CNKSR2: variants seen among roughly 807,000 people sequenced by gnomAD.
CNKSR2 encodes the protein connector enhancer of kinase suppressor of Ras 2, also known as CNK homolog protein 2.
CNKSR2 carries 14 observed loss-of-function variants against 84.4 expected under a neutral mutation model. The ratio of observed to expected loss-of-function variants is 0.17; its 90% confidence interval spans 0.11 to 0.26. The LOEUF is 0.26. Ranked by LOEUF, CNKSR2 falls within the 10% of genes least tolerant of loss-of-function variation. The probability of loss-of-function intolerance (pLI) is 1.00; values close to 1 mark genes in which losing one functional copy is unlikely to be tolerated. For missense variants in CNKSR2, 485 were observed against 771.2 expected (o/e 0.63, Z 4.40); for synonymous variants, 275 against 277.9 (o/e 0.99, Z 0.10).
intron 3 of CNKSR2, 95 bp downstream of exon 3, chrX:21,432,909 G>T: frequency 4.7e-6 from 4 of 848,234 alleles, no homozygotes; most frequent in Middle Eastern, 3.0e-4. Flanking sequence ...GATTGGACAG[G>T]CAGAGGAGTA....
chrX:21,649,072 T>G, intron 21 of CNKSR2, 45 bp downstream of exon 21: 1 of 970,719 alleles, frequency 1.0e-6, no homozygotes, highest in Non-Finnish European at 1.4e-6. Flanking sequence ...AGAGATTCAT[T>G]CTTAAAGTGG....
intron 1 of CNKSR2, among the ~76,000 whole-genome samples, chrX:21,394,859 T>G (rs1406779437): frequency 9.0e-6 from 1 of 111,719 alleles, no homozygotes. Context: ...AGAGCTCCAT[T>G]TAAGTGACAG....
chrX:21,644,908 A>G (rs949145666), intron 20 of CNKSR2: 8 of 112,225 alleles, frequency 7.1e-5, no homozygotes, highest in African/African-American at 2.6e-4. Context: ...AAAAGTTTGG[A>G]AACCACTGAG....
rs145918746 is a variant in CNKSR2 at position 21,598,252 on chromosome X, A to G, written c.1976+2857A>G. ...GTCTGTGTAAAATCTGTGGGGATAA[A>G]ATAAAACATCATAGTACTCAGGTAT... On this transcript the variant is annotated intron_variant, in intron 17 of 21. Transcript: ENST00000379510. Among the ~76,000 whole-genome samples the G allele has an allele frequency of 2.6e-4, 29 of 111,408 alleles. No homozygotes were observed. The East Asian group carries it at 8.1e-3, about 31-fold the overall frequency.
intron 17 of CNKSR2, among the ~76,000 whole-genome samples, chrX:21,598,463 T>C (rs772358476): frequency 5.4e-5 from 6 of 111,854 alleles, no homozygotes; most frequent in African/African-American, 1.9e-4. Context: ...AATATCTCCT[T>C]TGAATGTTTG....
At chrX:21,577,229 G>T (rs929568582) in intron 13 of CNKSR2, among the ~76,000 whole-genome samples, 3 of 111,213 alleles carry the variant, frequency 2.7e-5, no homozygotes, top group African/African-American at 9.8e-5. Flanking sequence ...ATAAACTGAA[G>T]CCAGCCCTTT....
At chrX:21,645,149 A>G (rs763363504) in intron 20 of CNKSR2, 5 of 111,997 alleles carry the variant, frequency 4.5e-5, no homozygotes, top group Admixed American at 9.5e-5. Flanking sequence ...ATAGTGGAGC[A>G]GAATATGAAA....
intron 9 of CNKSR2, among the ~76,000 whole-genome samples, chrX:21,522,291 A>G (rs1380871158): frequency 9.0e-6 from 1 of 111,027 alleles, no homozygotes; most frequent in Non-Finnish European, 1.9e-5. Context: ...TTTATACTTG[A>G]TGTAATTATT....
chrX:21,413,767 G>A (rs957361939), intron 1 of CNKSR2, among the ~76,000 whole-genome samples: 6 of 110,540 alleles, frequency 5.4e-5, no homozygotes, highest in Non-Finnish European at 9.5e-5. Context: ...CAACCATGTC[G>A]TTGCAAATGA....
chrX:21,412,275 T>G (rs767250836), intron 1 of CNKSR2, among the ~76,000 whole-genome samples: 1 of 112,129 alleles, frequency 8.9e-6, no homozygotes, highest in East Asian at 2.8e-4. Flanking sequence ...TGGAAGACTG[T>G]CTCCTCTTGC....
chrX:21,529,650 C>G (rs1282622059), intron 10 of CNKSR2, among the ~76,000 whole-genome samples: 1 of 110,370 alleles, frequency 9.1e-6, no homozygotes, highest in African/African-American at 3.3e-5. Flanking sequence ...CTGAGTTCTC[C>G]AGGGACTCAT....
At chrX:21,602,804 G>A (rs765125846) in intron 18 of CNKSR2, among the ~76,000 whole-genome samples, 1 of 111,928 alleles carries the variant, frequency 8.9e-6, no homozygotes, top group South Asian at 3.7e-4. Flanking sequence ...TCTTTAAAAG[G>A]AATAAAACAG....
chrX:21,475,952 A>G (rs2091256865), intron 5 of CNKSR2, among the ~76,000 whole-genome samples: 1 of 111,387 alleles, frequency 9.0e-6, no homozygotes, highest in African/African-American at 3.3e-5. Flanking sequence ...TCAGTGCTCA[A>G]AAAGTTTCTG....
At chrX:21,593,826 C>T (rs1057292367) in intron 15 of CNKSR2, 2 of 111,321 alleles carry the variant, frequency 1.8e-5, no homozygotes, top group African/African-American at 6.5e-5. Context: ...TGTTATAAGA[C>T]GCTGATGAGC....
chrX:21,476,732 A>T (rs1473370246), intron 5 of CNKSR2, among the ~76,000 whole-genome samples: 1 of 111,892 alleles, frequency 8.9e-6, no homozygotes, highest in African/African-American at 3.2e-5. Flanking sequence ...AGACAATAGA[A>T]TACAACCATA....
At chrX:21,583,713 G>C (rs1291910631) in intron 13 of CNKSR2, among the ~76,000 whole-genome samples, 1 of 111,826 alleles carries the variant, frequency 8.9e-6, no homozygotes, top group East Asian at 2.8e-4. Flanking sequence ...TAGTAGCTGA[G>C]CTTTCAAAAT....
At chrX:21,461,503 A>T (rs2091060994) in intron 4 of CNKSR2, among the ~76,000 whole-genome samples, 1 of 110,388 alleles carries the variant, frequency 9.1e-6, no homozygotes, top group African/African-American at 3.3e-5. Context: ...CACTTTGTTG[A>T]TTGTTTCCTT....
At chrX:21,558,800 A>G (rs971279820) in intron 11 of CNKSR2, among the ~76,000 whole-genome samples, 5 of 111,415 alleles carry the variant, frequency 4.5e-5, no homozygotes, top group Admixed American at 9.6e-5. Context: ...AATTTTCAAA[A>G]AATATCTAAC....
Position 21,531,508 on chromosome X carries a change from C to T in CNKSR2, c.1092-348C>T, listed in dbSNP as rs150183402. Among the ~76,000 whole-genome samples the T allele has an allele frequency of 4.5e-4, 50 of 110,941 alleles. No individual in the cohort carries two copies. In the East Asian group the frequency reaches 0.01, roughly 23 times the overall value. On this transcript the variant is annotated intron_variant, in intron 10 of 21. Transcript: ENST00000379510. ...GAAGAAAGCTATATACTTAAGTTAA[C>T]ATTACTAACATTATACCTACTCTCT...
Sources: gnomAD v4.1 joint callset for allele counts (sites outside exome capture counted in the v4.1 genomes callset) on GRCh38, gnomAD v4.1.1 for gene constraint, MANE v1.5 for transcripts, NCBI Gene and HGNC (gene_info 2026-07-23, HGNC 2026-07-21) for gene names.